ST6GAL1: variants seen among roughly 807,000 people sequenced by gnomAD.
The protein encoded by ST6GAL1 is beta-galactoside alpha-2,6-sialyltransferase 1.
ST6GAL1 carries 20 observed loss-of-function variants against 38.0 expected under a neutral mutation model. The observed-to-expected ratio is 0.53, with a 90% CI of 0.37 to 0.77. The LOEUF (loss-of-function observed/expected upper bound fraction) is 0.77, where lower values mean the gene tolerates loss of function less well. Ranked by LOEUF, ST6GAL1 falls within the 30% of genes least tolerant of loss-of-function variation. ST6GAL1 has a pLI of 0.00. For missense variants in ST6GAL1, 432 were observed against 496.4 expected (o/e 0.87, Z 1.23); for synonymous variants, 196 against 188.2 (o/e 1.04, Z -0.34).
At chr3:186,967,777 A>G (rs1715199007) in intron 2 of ST6GAL1, among the ~76,000 whole-genome samples, 1 of 152,190 alleles carries the variant, frequency 6.6e-6, no homozygotes, top group Non-Finnish European at 1.5e-5. Flanking sequence ...GAGGCCCAGA[A>G]AGGGGAAGGA....
chr3:186,956,463 G>C (rs1714753677), intron 1 of ST6GAL1, among the ~76,000 whole-genome samples: 3 of 152,118 alleles, frequency 2.0e-5, no homozygotes, highest in Non-Finnish European at 4.4e-5. Flanking sequence ...AGGCACAGCA[G>C]GCCAGGCTAA....
At chr3:187,021,316 C>T (rs970475684) in intron 2 of ST6GAL1, among the ~76,000 whole-genome samples, 36 of 152,182 alleles carry the variant, frequency 2.4e-4, no homozygotes. Flanking sequence ...GCCCTTGCTA[C>T]AGTCTTGCTA....
chr3:187,016,726 T>G (rs923998962), intron 2 of ST6GAL1, among the ~76,000 whole-genome samples: 1 of 152,180 alleles, frequency 6.6e-6, no homozygotes, highest in African/African-American at 2.4e-5. Flanking sequence ...AACCAGCCCC[T>G]GCCTCCCAGG....
At chr3:187,020,995 C>T (rs1298640311) in intron 2 of ST6GAL1, among the ~76,000 whole-genome samples, 7 of 150,474 alleles carry the variant, frequency 4.7e-5, no homozygotes, top group Non-Finnish European at 7.4e-5. Context: ...GATGGAGTCT[C>T]GCTCTGTCAC....
chr3:186,968,194 C>T (rs1437345830), intron 2 of ST6GAL1, among the ~76,000 whole-genome samples: 1 of 152,190 alleles, frequency 6.6e-6, no homozygotes, highest in Non-Finnish European at 1.5e-5. Context: ...CCTGACCTGA[C>T]CATAGCTGCA....
chr3:186,994,250 G>A (rs1042527488), intron 2 of ST6GAL1, among the ~76,000 whole-genome samples: 1 of 152,206 alleles, frequency 6.6e-6, no homozygotes, highest in African/African-American at 2.4e-5. Flanking sequence ...AAGTGCAGGT[G>A]GGGAGACATG....
intron 1 of ST6GAL1, among the ~76,000 whole-genome samples, chr3:186,945,972 CAG>C (rs1323637474): frequency 9.4e-6 from 1 of 106,502 alleles, no homozygotes; most frequent in African/African-American, 3.7e-5. Flanking sequence ...GCTTGGGTGA[CAG>C]AGCAAGACTC....
rs375916446 is a variant in ST6GAL1, at chr3:186,962,541, T to C, written c.-324-1244T>C. 3.3e-5 allele frequency among the ~76,000 whole-genome samples: 5 copies of C among 152,020 alleles called. No individual in the cohort carries two copies. The East Asian group carries it at 9.6e-4, about 29-fold the overall frequency. The stretch of plus-strand genomic sequence containing the variant: ...GAGGGGCTTGGGGGAGAGAGGAGTG[T>C]TAGGGGAATGGGCACATTTCTCCAT... On this transcript the variant is annotated intron_variant, in intron 1 of 7. Coordinates refer to ENST00000169298, the MANE Select transcript of ST6GAL1 (RefSeq NM_173216.2).
At chr3:187,058,498 T>C (rs1718798573) in intron 5 of ST6GAL1, among the ~76,000 whole-genome samples, 2 of 152,128 alleles carry the variant, frequency 1.3e-5, no homozygotes. Flanking sequence ...CTTGTTTTTT[T>C]GTTCTTCCTC....
chr3:187,037,735 G>A (rs939746615), intron 2 of ST6GAL1, among the ~76,000 whole-genome samples: 4 of 151,932 alleles, frequency 2.6e-5, no homozygotes, highest in African/African-American at 4.8e-5. Flanking sequence ...TGCACGCCTG[G>A]CTTATTTTTA....
intron 4 of ST6GAL1, among the ~76,000 whole-genome samples, chr3:187,047,439 G>A (rs903210598): frequency 2.0e-5 from 3 of 152,180 alleles, no homozygotes; most frequent in African/African-American, 7.2e-5. Context: ...ACTACACCTA[G>A]AGGCAGTGGA....
At chr3:187,065,086 C>T (rs1355676811) in intron 5 of ST6GAL1, among the ~76,000 whole-genome samples, 1 of 151,782 alleles carries the variant, frequency 6.6e-6, no homozygotes, top group African/African-American at 2.4e-5. Context: ...CCCTGCTCTG[C>T]CTCCTGGGTT....
At chr3:186,941,094 C>T (rs186444027) in intron 1 of ST6GAL1, among the ~76,000 whole-genome samples, 3 of 152,238 alleles carry the variant, frequency 2.0e-5, no homozygotes, top group Admixed American at 1.3e-4. Context: ...TTGGAGATAG[C>T]CTGCCTGGTT....
At chr3:187,001,776 T>G (rs951171906) in intron 2 of ST6GAL1, among the ~76,000 whole-genome samples, 24 of 151,944 alleles carry the variant, frequency 1.6e-4, no homozygotes, top group Non-Finnish European at 2.6e-4. Flanking sequence ...GTCAACATGG[T>G]GAAACCCCGT....
At chr3:186,991,701 C>T (rs1404107712) in intron 2 of ST6GAL1, among the ~76,000 whole-genome samples, 1 of 152,124 alleles carries the variant, frequency 6.6e-6, no homozygotes, top group Non-Finnish European at 1.5e-5. Flanking sequence ...ACCGGCTGGC[C>T]TCATCCCATA....
chr3:186,941,019 C>T (rs1157301298), intron 1 of ST6GAL1, among the ~76,000 whole-genome samples: 1 of 152,154 alleles, frequency 6.6e-6, no homozygotes, highest in African/African-American at 2.4e-5. Context: ...GGTCTGCACT[C>T]TGGAAAGCTG....
chr3:187,012,853 G>A (rs1717001588), intron 2 of ST6GAL1, among the ~76,000 whole-genome samples: 1 of 152,212 alleles, frequency 6.6e-6, no homozygotes, highest in East Asian at 1.9e-4. Flanking sequence ...TTTTCCAAAT[G>A]GAGGGGAAAT....
At chr3:186,941,058 G>C (rs1714153885) in intron 1 of ST6GAL1, among the ~76,000 whole-genome samples, 1 of 152,174 alleles carries the variant, frequency 6.6e-6, no homozygotes, top group African/African-American at 2.4e-5. Flanking sequence ...AAGCTACCAA[G>C]AGGCTGTTTG....
chr3:186,984,634 C>G (rs1715805379), intron 2 of ST6GAL1, among the ~76,000 whole-genome samples: 1 of 152,146 alleles, frequency 6.6e-6, no homozygotes, highest in African/African-American at 2.4e-5. Flanking sequence ...ATGTCCCCTT[C>G]TCAGTGAGTT....
Sources: gnomAD v4.1 joint callset for allele counts (sites outside exome capture counted in the v4.1 genomes callset) on GRCh38, gnomAD v4.1.1 for gene constraint, MANE v1.5 for transcripts, NCBI Gene and HGNC (gene_info 2026-07-23, HGNC 2026-07-21) for gene names.